Variants in POP1 observed in about 807,000 individuals in gnomAD.
POP1 encodes ribonucleases P/MRP protein subunit POP1.
A neutral mutation model predicts 102.2 loss-of-function variants in POP1; 75 were observed. That is an observed-to-expected ratio of 0.73 (90% CI 0.61 to 0.89). The LOEUF (loss-of-function observed/expected upper bound fraction) is 0.89. Among genes scored for constraint, POP1 ranks in the 40% least tolerant of loss-of-function variants. The probability of loss-of-function intolerance (pLI) is 0.00; values close to 1 mark genes in which losing one functional copy is unlikely to be tolerated. For missense variants in POP1, 1,116 were observed against 1,267.4 expected (o/e 0.88, Z 1.81); for synonymous variants, 436 against 464.1 (o/e 0.94, Z 0.78).
intron 7 of POP1, among the ~76,000 whole-genome samples, chr8:98,136,029 T>G (rs1355830791): frequency 6.6e-6 from 1 of 151,822 alleles, no homozygotes; most frequent in Non-Finnish European, 1.5e-5. Context: ...GATGATAAAT[T>G]TAATTTAAGT....
Position 98,148,869 on chromosome 8 carries a change from G to A in POP1, c.1765G>A (p.Gly589Ser), listed in dbSNP as rs745928810. ...LLVPGSQLIL[G>S]PHESKIPILL... Reference sequence around the variant, plus strand: ...GGTGCCTGGGTCACAGCTTATTTTAGGTCCCCATGAATCCAAGATACCTAT... The same window carrying A: ...GGTGCCTGGGTCACAGCTTATTTTAAGTCCCCATGAATCCAAGATACCTAT... The change falls in exon 13 of 16, where the codon GGT becomes AGT. Residue 589 changes from glycine to serine, a missense_variant. Gly to Ser is a moderately conservative substitution (Grantham distance 56). Transcript: ENST00000401707. The A allele has an allele frequency of 4.3e-6, 7 of 1,613,778 alleles. No individual in the cohort carries two copies. The East Asian group carries it at 1.1e-4, about 26-fold the overall frequency.
chr8:98,122,857 T>A (rs1447938493), intron 1 of POP1, among the ~76,000 whole-genome samples: 1 of 152,212 alleles, frequency 6.6e-6, no homozygotes, highest in Non-Finnish European at 1.5e-5. Context: ...AACTACTGAC[T>A]GGTAAATCAG....
chr8:98,129,866 G>T, intron 4 of POP1, 112 bp from the exon 5 acceptor site: 1 of 1,227,996 alleles, frequency 8.1e-7, no homozygotes, highest in Non-Finnish European at 1.2e-6. Flanking sequence ...CAAACTAATG[G>T]GATCTATAAA....
rs544143041 is a variant in POP1 at position 98,143,562 on chromosome 8, A to T, written c.1594+2674A>T. Among the ~76,000 whole-genome samples, 3 of 151,976 alleles carry T rather than the reference A, an allele frequency of 2.0e-5. No homozygotes were observed. The East Asian group carries it at 5.8e-4, about 29-fold the overall frequency. ...TTTGTATTAGGGTTCACTCTTGGTG[A>T]TATATATACTCTAAGTTTGTATTAA... is the stretch of plus-strand genomic sequence containing the variant. On this transcript the variant is annotated intron_variant, in intron 11 of 15. Transcript: ENST00000401707.
chr8:98,128,936 A>C (rs569833449), intron 4 of POP1, among the ~76,000 whole-genome samples: 39 of 152,160 alleles, frequency 2.6e-4, no homozygotes, highest in African/African-American at 8.9e-4. Flanking sequence ...GAAAAAAAAA[A>C]CTCAGAAAAC....
chr8:98,152,490 C>A (rs1337944810), intron 14 of POP1, among the ~76,000 whole-genome samples: 3 of 152,210 alleles, frequency 2.0e-5, no homozygotes, highest in African/African-American at 7.2e-5. Context: ...TCCAAAGCAG[C>A]TGCAGATGAC....
chr8:98,144,255 G>T (rs981160245), intron 11 of POP1, among the ~76,000 whole-genome samples: 2 of 151,818 alleles, frequency 1.3e-5, no homozygotes, highest in African/African-American at 2.4e-5. Flanking sequence ...TGTCTACTTT[G>T]TTTTATCTAT....
chr8:98,141,923 C>T (rs1006347609), intron 11 of POP1, among the ~76,000 whole-genome samples: 1 of 151,754 alleles, frequency 6.6e-6, no homozygotes, highest in Non-Finnish European at 1.5e-5. Context: ...ATAAATTACT[C>T]TGTCAGAACT....
intron 6 of POP1, 68 bp downstream of exon 6, chr8:98,134,104 C>A: frequency 8.6e-7 from 1 of 1,165,182 alleles, no homozygotes; most frequent in Non-Finnish European, 1.3e-6. Flanking sequence ...AAAGAAGTGT[C>A]TACTGTAAGC....
intron 14 of POP1, among the ~76,000 whole-genome samples, chr8:98,155,194 G>T (rs1196426775): frequency 1.3e-5 from 2 of 152,194 alleles, no homozygotes; most frequent in African/African-American, 4.8e-5. Flanking sequence ...ATCCCCTGGT[G>T]TGGTTCAGTG....
At position 98,123,342 on chromosome 8, in the gene POP1, C is replaced by A; in HGVS notation, c.5C>A (p.Ser2Ter). M[S>*]NAKERKHAKK... is the part of the protein sequence containing the mutation. ...TGTATTACTTCCTTTCCAGAAATGT[C>A]AAATGCAAAAGAAAGAAAACACGCC... The change falls in exon 2 of 16, where the codon TCA (serine) becomes TAA (stop). Residue 2 changes from serine to a stop codon, truncating the protein, a stop_gained. Transcript: ENST00000401707. LOFTEE classifies it high-confidence loss of function. 2 of 1,613,384 alleles carry A rather than the reference C, an allele frequency of 1.2e-6. No individual in the cohort carries two copies. Among genetic ancestry groups the A allele is most frequent in the South Asian group, 2.2e-5 (2 of 91,016 alleles).
intron 1 of POP1, among the ~76,000 whole-genome samples, chr8:98,119,910 A>G (rs1284679030): frequency 6.6e-6 from 1 of 152,138 alleles, no homozygotes; most frequent in East Asian, 1.9e-4. Flanking sequence ...AGACTTCATA[A>G]AGATGCATCC....
At position 98,136,669 on chromosome 8, in the gene POP1, T is replaced by C; in HGVS notation, c.1199T>C (p.Ile400Thr). Residue 400 changes from isoleucine (I) to threonine (T), a missense_variant, in exon 8 of 16, where the codon ATC (isoleucine) becomes ACC (threonine). Ile to Thr is a moderately conservative substitution (Grantham distance 89). Transcript: ENST00000401707. ...AATGCTAAACCAATTAAAAAAATTA[T>C]CGGTGATGGAACTAGAGATCCATGT... ...GENAKPIKKI[I>T]GDGTRDPCLP... 2 of 1,612,870 alleles carry C rather than the reference T, an allele frequency of 1.2e-6. No individual in the cohort carries two copies. The highest frequency in any genetic ancestry group is 1.7e-6 in the Non-Finnish European group (2 of 1,178,916).
At chr8:98,152,920 G>T (rs1318901768) in intron 14 of POP1, among the ~76,000 whole-genome samples, 1 of 152,196 alleles carries the variant, frequency 6.6e-6, no homozygotes, top group Admixed American at 6.5e-5. Context: ...AGGCGGTGGG[G>T]TGACAGCAGG....
chr8:98,128,651 G>A (rs1816285309), intron 4 of POP1, 111 bp downstream of exon 4: 2 of 1,218,654 alleles, frequency 1.6e-6, no homozygotes, highest in African/African-American at 1.5e-5. Flanking sequence ...GGGCATGGTG[G>A]CTCACGCCTG....
intron 11 of POP1, among the ~76,000 whole-genome samples, chr8:98,142,990 A>ATCCCATTTG (rs777523409): frequency 2.0e-5 from 3 of 152,218 alleles, no homozygotes; most frequent in Non-Finnish European, 4.4e-5. Flanking sequence ...CAAATGAGAA[A>ATCCCATTTG]GCCTTTTACT....
In POP1 at chr8:98,131,779, CTTTA is replaced by C. The variant is rs577511290; in HGVS notation, c.735+1565_735+1568del. On this transcript the variant is annotated intron_variant, in intron 5 of 15. Transcript: ENST00000401707. ...TCCTCATCCTTTTCAGTACTTGTTA[CTTTA>C]TTTATTTATTTGATCACAGTCATTC... Among the ~76,000 whole-genome samples the C allele has an allele frequency of 5.7e-3, 873 of 152,274 alleles. 5 individuals are homozygous for C. The highest frequency in any genetic ancestry group is 8.2e-3 in the Non-Finnish European group (556 of 68,012).
At position 98,140,127 on chromosome 8, in the gene POP1, G is replaced by A. The variant is rs1816665030; in HGVS notation, c.1412G>A (p.Cys471Tyr). The change falls in exon 10 of 16, where the codon TGT becomes TAT. Residue 471 changes from cysteine (C) to tyrosine (Y), a missense_variant. Physicochemically the swap from Cys to Tyr is radical, Grantham distance 194 (BLOSUM62 -2). Coordinates refer to ENST00000401707, the MANE Select transcript of POP1 (RefSeq NM_001145860.2). The stretch of plus-strand genomic sequence containing the variant: ...CCTCACCGCTGGTGGATAGAAACCT[G>A]TAAGAAACCTGACAGCGTTTCCCTT... The part of the protein sequence containing the change: ...ETPHRWWIET[C>Y]KKPDSVSLHC... 6.2e-7 allele frequency: 1 copy of A among 1,614,148 alleles called. No individual in the cohort carries two copies. Among genetic ancestry groups the A allele is most frequent in the East Asian group, 2.2e-5 (1 of 44,886 alleles).
At chr8:98,146,111 T>C (rs1816835817) in intron 11 of POP1, among the ~76,000 whole-genome samples, 1 of 152,130 alleles carries the variant, frequency 6.6e-6, no homozygotes, top group Non-Finnish European at 1.5e-5. Flanking sequence ...CATATTATTA[T>C]TTAGAGATGG....
Sources: allele counts gnomAD v4.1 joint callset (sites outside exome capture counted in the v4.1 genomes callset), GRCh38; gene constraint gnomAD v4.1.1; transcripts MANE v1.5; gene names NCBI Gene and HGNC (gene_info 2026-07-23, HGNC 2026-07-21).